The following CNTN5 variants were observed in gnomAD, a reference collection of about 807,000 sequenced individuals.
The protein encoded by CNTN5 is contactin-5.
In CNTN5, 77 loss-of-function variants were observed where a neutral mutation model predicts 129.1. The observed-to-expected ratio is 0.60, with a 90% CI of 0.50 to 0.72. The LOEUF (loss-of-function observed/expected upper bound fraction) is 0.72, where lower values mean the gene tolerates loss of function less well. CNTN5 is among the 30% of genes least tolerant of loss of function. The probability of loss-of-function intolerance (pLI) is 0.00; values close to 1 mark genes in which losing one functional copy is unlikely to be tolerated. For synonymous variants in CNTN5, 509 were observed against 465.6 expected (o/e 1.09, Z -1.20); for missense variants, 1,478 against 1,328.8 (o/e 1.11, Z -1.75).
chr11:99,855,767 A>T (rs550722467), intron 6 of CNTN5, among the ~76,000 whole-genome samples: 2 of 152,336 alleles, frequency 1.3e-5, no homozygotes, highest in South Asian at 4.1e-4. Context: ...AGAAAAATTT[A>T]GAGTCTGCAC....
intron 9 of CNTN5, among the ~76,000 whole-genome samples, chr11:100,034,317 T>A (rs57547634): frequency 6.6e-6 from 1 of 152,176 alleles, no homozygotes; most frequent in African/African-American, 2.4e-5. Context: ...ATTGTTATTA[T>A]CTAACTGTGT....
chr11:99,449,469 T>C (rs768155002), intron 2 of CNTN5, among the ~76,000 whole-genome samples: 10 of 152,270 alleles, frequency 6.6e-5, no homozygotes, highest in Admixed American at 2.6e-4. Flanking sequence ...TCCTTTCTAA[T>C]ATGAACAAAT....
At chr11:99,345,590 C>T (rs1937790725) in intron 2 of CNTN5, among the ~76,000 whole-genome samples, 1 of 152,144 alleles carries the variant, frequency 6.6e-6, no homozygotes, top group Admixed American at 6.5e-5. Context: ...TGTACCATGT[C>T]ATATAACAAT....
intron 1 of CNTN5, among the ~76,000 whole-genome samples, chr11:99,193,182 C>G (rs894473594): frequency 3.3e-5 from 5 of 151,998 alleles, no homozygotes; most frequent in South Asian, 2.1e-4. Context: ...ATCACTATGA[C>G]AGGGGATAAT....
chr11:99,753,795 C>G lies in CNTN5; in HGVS notation c.56-65749C>G, dbSNP rs1324275959. 4.1e-5 allele frequency among the ~76,000 whole-genome samples: 6 copies of G among 147,170 alleles called. No homozygotes were observed. The Admixed American group carries it at 4.1e-4, about 10-fold the overall frequency. ...CCTCCACCTCTGGGTTCATGCAATT[C>G]TCATGCCTCAGCCTCCCAAGTGGCT... On this transcript the variant is annotated intron_variant, in intron 3 of 24. Coordinates refer to ENST00000524871, the MANE Select transcript of CNTN5 (RefSeq NM_014361.4).
At chr11:100,210,174 C>CAAAA (rs59613776) in intron 15 of CNTN5, among the ~76,000 whole-genome samples, 1 of 81,112 alleles carries the variant, frequency 1.2e-5, no homozygotes, top group East Asian at 3.3e-4. Flanking sequence ...TGCCTCTATA[C>CAAAA]AAAAAAAAAA....
At chr11:99,797,386 C>T (rs1044352599) in intron 3 of CNTN5, among the ~76,000 whole-genome samples, 4 of 152,060 alleles carry the variant, frequency 2.6e-5, no homozygotes, top group Non-Finnish European at 5.9e-5. Context: ...ATAAGTGTTC[C>T]CTTTACACTG....
chr11:100,283,335 C>A (rs1175870652), intron 18 of CNTN5, among the ~76,000 whole-genome samples: 1 of 152,182 alleles, frequency 6.6e-6, no homozygotes, highest in Non-Finnish European at 1.5e-5. Flanking sequence ...CTTCCTCCTT[C>A]TCTCCTAAAG....
intron 3 of CNTN5, among the ~76,000 whole-genome samples, chr11:99,665,632 G>T (rs1007044632): frequency 2.6e-5 from 4 of 151,258 alleles, no homozygotes; most frequent in African/African-American, 9.7e-5. Flanking sequence ...GTTTACAGGT[G>T]CCCAGCAACT....
At chr11:99,736,853 C>T (rs1276296510) in intron 3 of CNTN5, among the ~76,000 whole-genome samples, 1 of 151,956 alleles carries the variant, frequency 6.6e-6, no homozygotes, top group African/African-American at 2.4e-5. Context: ...GCCTTGTATA[C>T]AGTTCTTTCT....
At chr11:99,516,599 C>A (rs891550315) in intron 2 of CNTN5, among the ~76,000 whole-genome samples, 3 of 151,964 alleles carry the variant, frequency 2.0e-5, no homozygotes, top group Non-Finnish European at 2.9e-5. Context: ...TGAGGGTCAC[C>A]AATGGGGCAG....
intron 3 of CNTN5, among the ~76,000 whole-genome samples, chr11:99,582,387 GAGA>G (rs1216582073): frequency 6.6e-6 from 1 of 152,168 alleles, no homozygotes; most frequent in East Asian, 1.9e-4. Context: ...TGCTAGGTTG[GAGA>G]AGTTCTCCTG....
At chr11:99,031,808 C>G (rs1292481879) in intron 1 of CNTN5, among the ~76,000 whole-genome samples, 1 of 151,166 alleles carries the variant, frequency 6.6e-6, no homozygotes, top group Non-Finnish European at 1.5e-5. Context: ...GGTACATGTG[C>G]ACAATGTGCA....
intron 1 of CNTN5, among the ~76,000 whole-genome samples, chr11:99,037,393 C>A (rs1196702387): frequency 1.3e-5 from 2 of 152,034 alleles, no homozygotes; most frequent in African/African-American, 2.4e-5. Flanking sequence ...TTAAGGAGTT[C>A]TATAACTGTC....
intron 1 of CNTN5, among the ~76,000 whole-genome samples, chr11:99,301,572 C>G (rs1175619526): frequency 6.6e-6 from 1 of 151,734 alleles, no homozygotes; most frequent in African/African-American, 2.4e-5. Context: ...CATCTGACAA[C>G]AGGGTCTCAA....
chr11:99,733,277 G>A lies in CNTN5; in HGVS notation c.56-86267G>A, dbSNP rs560914114. On this transcript the variant is annotated intron_variant, in intron 3 of 24. Transcript: ENST00000524871. ...GCGGAGGTTGCAGTGAGCCGAGATC[G>A]TGCCACTGCACTCCAGCCTGAGCGA... 4.7e-5 allele frequency among the ~76,000 whole-genome samples: 7 copies of A among 149,658 alleles called. No individual in the cohort carries two copies. In the East Asian group the frequency reaches 9.9e-4, roughly 21 times the overall value.
chr11:99,870,493 C>A (rs1394759311), intron 6 of CNTN5, among the ~76,000 whole-genome samples: 2 of 152,100 alleles, frequency 1.3e-5, no homozygotes, highest in Admixed American at 6.6e-5. Flanking sequence ...TATAAATAAA[C>A]TGATATAGTA....
intron 16 of CNTN5, among the ~76,000 whole-genome samples, chr11:100,234,218 T>C (rs1359037150): frequency 1.4e-5 from 2 of 145,144 alleles, no homozygotes; most frequent in Non-Finnish European, 3.1e-5. Context: ...AGTTCAACCA[T>C]TGTAGAAGAC....
At chr11:99,337,410 T>G (rs1226811754) in intron 2 of CNTN5, among the ~76,000 whole-genome samples, 1 of 152,168 alleles carries the variant, frequency 6.6e-6, no homozygotes, top group Non-Finnish European at 1.5e-5. Flanking sequence ...AAACCAGTCA[T>G]TAGCATTGTT....
Sources: gnomAD v4.1 joint callset for allele counts (sites outside exome capture counted in the v4.1 genomes callset) on GRCh38, gnomAD v4.1.1 for gene constraint, MANE v1.5 for transcripts, NCBI Gene and HGNC (gene_info 2026-07-23, HGNC 2026-07-21) for gene names.